NBPF12: variants seen among roughly 807,000 people sequenced by gnomAD.
NBPF12 encodes NBPF member 12.
NBPF12 carries 115 observed loss-of-function variants against 146.4 expected under a neutral mutation model. The ratio of observed to expected loss-of-function variants is 0.79; its 90% CI spans 0.68 to 0.92. The LOEUF (loss-of-function observed/expected upper bound fraction) is 0.92. NBPF12 is among the 40% of genes least tolerant of loss of function. The probability of loss-of-function intolerance (pLI) is 0.00; values close to 1 mark genes in which losing one functional copy is unlikely to be tolerated. For synonymous variants in NBPF12, 385 were observed against 508.9 expected, an observed-to-expected ratio of 0.76 and a Z score of 3.28; for missense variants, 1,205 against 1,326.8, an observed-to-expected ratio of 0.91 and a Z score of 1.43.
At chr1:146,968,833 G>A (rs1656374818) in intron 10 of NBPF12, among the ~76,000 whole-genome samples, 1 of 151,466 alleles carries the variant, frequency 6.6e-6, no homozygotes, top group Non-Finnish European at 1.5e-5. Context: ...GAACCACACA[G>A]CAGCATTCAG....
In NBPF12 at chr1:146,957,935, CGT is replaced by C. The variant is rs1366192819; in HGVS notation, c.-183-1917_-183-1916del. Among the ~76,000 whole-genome samples, 8 of 111,408 alleles carry C rather than the reference CGT, an allele frequency of 7.2e-5. 2 individuals carry two copies. The highest frequency in any genetic ancestry group is 4.1e-4 in the Admixed American group (4 of 9,800). 73.1% of individuals were successfully genotyped at this position (111,408 alleles called of 152,430 possible). ...TATATACACGTATATAATATATATT[CGT>C]GTGTGTATATATATTTTATATATAC... On this transcript the variant is annotated intron_variant, in intron 2 of 33. Transcript: ENST00000617844.
At chr1:146,981,289 AAAAAAATAT>A (rs1657364227) in intron 19 of NBPF12, among the ~76,000 whole-genome samples, 1 of 113,008 alleles carries the variant, frequency 8.8e-6, no homozygotes, top group African/African-American at 3.7e-5. Flanking sequence ...AAAAAAAAAA[AAAAAAATAT>A]ATATATATAT....
exon 5 of NBPF12, chr1:146,962,200 G>T: frequency 6.2e-7 from 1 of 1,608,686 alleles, no homozygotes; most frequent in Non-Finnish European, 8.5e-7. Flanking sequence ...TTTATGCTGA[G>T]GAATGAGCGA....
At chr1:146,965,027 A>G in exon 8 of NBPF12, 1 of 1,608,700 alleles carries the variant, frequency 6.2e-7, no homozygotes, top group South Asian at 1.1e-5. Flanking sequence ...TTTGAGGAAG[A>G]CAAAGTCAAC....
rs1273345027 is a variant in NBPF12 at position 146,962,282 on chromosome 1, G to A, written c.278+19G>A. ...AGCTCAGGTGAGGGGACCCCATGGG[G>A]GGAGGCAGGCGGGTAGGTGTGTAGA... On this transcript the variant is annotated intron_variant, in intron 5 of 33. Transcript: ENST00000617844. 1.5e-5 allele frequency: 24 copies of A among 1,594,292 alleles called. No individual in the cohort carries two copies. The highest frequency in any genetic ancestry group is 2.7e-5 in the African/African-American group (2 of 74,440).
chr1:146,947,162 C>A (rs1340791400), upstream of NBPF12, among the ~76,000 whole-genome samples: 2 of 151,658 alleles, frequency 1.3e-5, no homozygotes, highest in Non-Finnish European at 2.9e-5. Flanking sequence ...TGGTTGAGAT[C>A]ATTGTAGTAA....
intron 13 of NBPF12, among the ~76,000 whole-genome samples, chr1:146,971,651 A>G (rs1426746592): frequency 1.3e-5 from 2 of 149,916 alleles, no homozygotes; most frequent in Non-Finnish European, 2.9e-5. Context: ...TTAGGCAGTC[A>G]TGGTGCTGCG....
chr1:146,942,545 A>G (rs1654854774), intron 1 of NBPF12, among the ~76,000 whole-genome samples: 1 of 151,310 alleles, frequency 6.6e-6, no homozygotes, highest in African/African-American at 2.4e-5. Flanking sequence ...GAATGAACAT[A>G]CTAATACCAT....
chr1:146,938,339 G>A (rs1279672624), upstream of NBPF12, among the ~76,000 whole-genome samples: 1 of 152,146 alleles, frequency 6.6e-6, no homozygotes, highest in African/African-American at 2.4e-5. Flanking sequence ...TCAGACTATG[G>A]GGCGGTGCGG....
rs1291639305 is a variant in NBPF12, at chr1:146,958,029, C to G, written c.-183-1830C>G. ...TGTGTATATATAAATAATACATATA[C>G]ACGTGTATATATATTATATACATAT... is the stretch of plus-strand genomic sequence containing the variant. On this transcript the variant is annotated intron_variant, in intron 2 of 33. Coordinates refer to ENST00000617844, the Ensembl canonical transcript of NBPF12. Among the ~76,000 whole-genome samples, 3 of 113,000 alleles carry G rather than the reference C, an allele frequency of 2.7e-5. 1 individual carries two copies. The South Asian group carries it at 1.3e-3, about 49-fold the overall frequency. 74.1% of individuals were successfully genotyped at this position (113,000 alleles called of 152,430 possible).
rs374120061 is a variant in NBPF12, at chr1:146,994,409, C to A, written c.4208C>A (p.Ser1403Ter). ...CTGGATAGATGTTATTCGACTCCAT[C>A]AATGTACTTTGAACTACCTGACTCA... The change falls in exon 34 of 34, where the codon TCA (serine) becomes TAA (stop). Residue 1403 changes from serine (S) to a stop codon, truncating the protein, a stop_gained. Transcript: ENST00000617844. LOFTEE classifies it high-confidence loss of function. 1 of 1,612,326 alleles carries A rather than the reference C, an allele frequency of 6.2e-7. No individual in the cohort carries two copies. The highest frequency in any genetic ancestry group is 1.1e-5 in the South Asian group (1 of 91,004).
In NBPF12 at chr1:146,963,262, C is replaced by G. The variant is rs1194180626; in HGVS notation, c.446C>G (p.Ala149Gly). The G allele has an allele frequency of 2.5e-6, 4 of 1,611,970 alleles. No individual in the cohort carries two copies. The East Asian group carries it at 8.9e-5, about 36-fold the overall frequency. Residue 149 changes from alanine to glycine, a missense_variant, in exon 6 of 34, where the codon GCT becomes GGT. By Grantham distance (60) the Ala-to-Gly change is moderately conservative. Around this residue, in one of 16 missense-constraint regions of NBPF12, gnomAD observed 325 missense variants for 236.6 expected, o/e 1.37. Coordinates refer to ENST00000617844, the Ensembl canonical transcript of NBPF12. ...GGGCAGGACCTCCAAGAACAGCTGG[C>G]TGAGGGGTGTAGACTGGCACAGCAA...
At chr1:146,992,501 T>G (rs1658258678) in intron 31 of NBPF12, among the ~76,000 whole-genome samples, 1 of 141,510 alleles carries the variant, frequency 7.1e-6, no homozygotes, top group Non-Finnish European at 1.5e-5. Context: ...TGTGTGTGTG[T>G]GTGTGTGTGT....
At chr1:146,995,699 A>C (rs1553890451) in exon 34 of NBPF12, 1 of 149,998 alleles carries the variant, frequency 6.7e-6, no homozygotes, top group Non-Finnish European at 1.5e-5. Context: ...TGAGTTTCCA[A>C]CCTCAGCCCA....
chr1:146,945,627 G>C (rs1408293199), upstream of NBPF12, among the ~76,000 whole-genome samples: 3 of 150,516 alleles, frequency 2.0e-5, no homozygotes, highest in African/African-American at 7.4e-5. Context: ...TTAAAAAAAA[G>C]TAATAGATGT....
At chr1:146,950,983 A>T (rs1655300875) in intron 1 of NBPF12, among the ~76,000 whole-genome samples, 1 of 152,108 alleles carries the variant, frequency 6.6e-6, no homozygotes, top group African/African-American at 2.4e-5. Context: ...AATATGCCAG[A>T]CATTTTTTCC....
At chr1:146,964,082 A>C (rs1264628541) in intron 6 of NBPF12, among the ~76,000 whole-genome samples, 5 of 137,044 alleles carry the variant, frequency 3.6e-5, no homozygotes, top group African/African-American at 1.1e-4. Context: ...CAGCTGCCAA[A>C]GTCCAGAGAG....
chr1:146,946,322 G>T (rs1553883340), upstream of NBPF12, among the ~76,000 whole-genome samples: 129 of 151,296 alleles, frequency 8.5e-4, 5 homozygotes, highest in East Asian at 0.022. Flanking sequence ...GCTATGGAGA[G>T]TTCTGGTTGT....
intron 1 of NBPF12, among the ~76,000 whole-genome samples, 182 bp downstream of exon 1, chr1:146,939,194 C>G (rs1195608778): frequency 6.6e-6 from 1 of 151,990 alleles, no homozygotes; most frequent in African/African-American, 2.4e-5. Context: ...GCCCTCCTCT[C>G]GTGGGCGCTG....
Sources: allele counts gnomAD v4.1 joint callset (sites outside exome capture counted in the v4.1 genomes callset), GRCh38; gene constraint gnomAD v4.1.1; regional missense constraint gnomAD v4.1.1; transcripts MANE v1.5; gene names NCBI Gene and HGNC (gene_info 2026-07-23, HGNC 2026-07-21).